Variants in KCNN1 observed in about 807,000 individuals in gnomAD.
KCNN1 encodes the protein small conductance calcium-activated potassium channel protein 1.
KCNN1 carries 20 observed loss-of-function variants against 44.7 expected under a neutral mutation model. That is an observed-to-expected ratio of 0.45 (90% confidence interval 0.32 to 0.65). The LOEUF is 0.65. KCNN1 is among the 30% of genes least tolerant of loss of function. KCNN1 has a pLI of 0.05. For missense variants in KCNN1, 632 were observed against 785.3 expected (o/e 0.80, Z 2.33); for synonymous variants, 324 against 341.7 (o/e 0.95, Z 0.57).
chr19:17,976,842 AGTGGCTGGGATTACAG>A (rs2032225170), intron 3 of KCNN1, among the ~76,000 whole-genome samples: 1 of 151,432 alleles, frequency 6.6e-6, no homozygotes, highest in Non-Finnish European at 1.5e-5. Context: ...CAGTCTCCTG[AGTGGCTGGGATTACAG>A]GTGCCCGCCA....
In KCNN1 at chr19:17,981,730, G is replaced by T. The variant is rs749770335; in HGVS notation, c.520G>T (p.Ala174Ser). The T allele has an allele frequency of 6.3e-7, 1 of 1,592,348 alleles. No homozygotes were observed. The highest frequency in any genetic ancestry group is 2.3e-5 in the East Asian group (1 of 44,420). The change falls in exon 4 of 10, where the codon GCT (alanine) becomes TCT (serine). Residue 174 changes from alanine (A) to serine (S), a missense_variant. Transcript: ENST00000684775. ...EIQLFMVDNGADDWRIAMTCE... is the reference protein window; with the variant it reads ...EIQLFMVDNGSDDWRIAMTCE... ...ACAGCTGTTCATGGTGGACAACGGG[G>T]CTGATGACTGGCGCATCGCCATGAC...
intron 2 of KCNN1, among the ~76,000 whole-genome samples, chr19:17,955,171 C>T (rs1947898513): frequency 6.7e-6 from 1 of 148,742 alleles, no homozygotes; most frequent in Admixed American, 6.7e-5. Context: ...TCCAGGAGTT[C>T]GAGGCTGCAG....
At chr19:17,968,352 T>G (rs2031891943) in intron 1 of KCNN1, among the ~76,000 whole-genome samples, 2 of 150,484 alleles carry the variant, frequency 1.3e-5, no homozygotes, top group South Asian at 4.2e-4. Flanking sequence ...GGCATGAAGC[T>G]CTTACAGACT....
rs917903505 is a variant in KCNN1, at chr19:17,982,136, G to A, written c.917+9G>A. 9.9e-6 allele frequency: 15 copies of A among 1,512,020 alleles called. No individual in the cohort carries two copies. In the Admixed American group the frequency reaches 1.2e-4, roughly 12 times the overall value. 93.7% of individuals were successfully genotyped at this position (1,512,020 alleles called of 1,614,324 possible). On this transcript the variant is annotated intron_variant, in intron 4 of 9. Coordinates refer to ENST00000684775, the MANE Select transcript of KCNN1 (RefSeq NM_001386974.1). ...GTGCGCGTCTGCGAGAGGTGCGACC[G>A]CCGCCCCTGGAGCCCCCCCAGCCCC...
chr19:17,966,323 A>T (rs954280462), upstream of KCNN1, among the ~76,000 whole-genome samples: 14 of 152,196 alleles, frequency 9.2e-5, no homozygotes, highest in African/African-American at 3.1e-4. Context: ...GCAGAGGCAG[A>T]GGCAGTAAGA....
chr19:17,990,756 C>T (rs1324884924), intron 7 of KCNN1, among the ~76,000 whole-genome samples: 3 of 146,360 alleles, frequency 2.0e-5, no homozygotes, highest in African/African-American at 5.1e-5. Context: ...GCTGAGATTG[C>T]GCCGCTGCAC....
At chr19:17,965,374 T>G (rs1382704857), upstream of KCNN1, among the ~76,000 whole-genome samples, 10 of 152,008 alleles carry the variant, frequency 6.6e-5, no homozygotes, top group Non-Finnish European at 1.2e-4. Context: ...GCTCAGGGAC[T>G]CCTGCAAGGG....
intron 7 of KCNN1, among the ~76,000 whole-genome samples, chr19:17,991,589 C>T (rs774270156): frequency 2.0e-5 from 3 of 151,186 alleles, no homozygotes; most frequent in Non-Finnish European, 3.0e-5. Context: ...AAAAATTAGC[C>T]GGGCATGGTG....
At chr19:17,997,513 TTTTTC>T (rs2145982864) in intron 9 of KCNN1, among the ~76,000 whole-genome samples, 3 of 152,306 alleles carry the variant, frequency 2.0e-5, no homozygotes, top group African/African-American at 7.2e-5. Context: ...GCTTGCTTTC[TTTTTC>T]TTGAGACGGA....
chr19:17,975,175 C>G lies in KCNN1; in HGVS notation c.486C>G (p.Ala162=). The change falls in exon 3 of 10, where the codon GCC becomes GCG. Residue 162 remains alanine (A), a synonymous_variant. Transcript: ENST00000684775. The stretch of plus-strand genomic sequence containing the variant: ...TGGGTCTCGTTGTCCTCTACCATGC[C>G]CGGGAGATCCAGGTCAGTGCTGAAT... ...ILLGLVVLYH[A]REIQLFMVDN... 1.2e-6 allele frequency: 2 copies of G among 1,613,674 alleles called. No homozygotes were observed. Among genetic ancestry groups the G allele is most frequent in the Non-Finnish European group, 1.7e-6 (2 of 1,179,632 alleles).
chr19:17,963,928 T>C (rs570966110), upstream of KCNN1, among the ~76,000 whole-genome samples: 1 of 152,246 alleles, frequency 6.6e-6, no homozygotes, highest in Admixed American at 6.5e-5. Context: ...AGGGTCTCGC[T>C]ATGTTGCCTA....
intron 4 of KCNN1, chr19:17,982,588 C>A: frequency 1.0e-6 from 1 of 985,318 alleles, no homozygotes. Flanking sequence ...TGAGTCCCAC[C>A]CTCCGCTGAG....
At chr19:17,962,333 C>G (rs2031701053), upstream of KCNN1, among the ~76,000 whole-genome samples, 1 of 152,170 alleles carries the variant, frequency 6.6e-6, no homozygotes, top group African/African-American at 2.4e-5. Flanking sequence ...CAGCAGGCAG[C>G]CCATGGGGAG....
At chr19:17,956,312 T>A (rs917758930) in intron 2 of KCNN1, among the ~76,000 whole-genome samples, 3 of 152,152 alleles carry the variant, frequency 2.0e-5, no homozygotes, top group African/African-American at 7.2e-5. Flanking sequence ...ACAGAGGTGG[T>A]GGTCATTTAG....
intron 4 of KCNN1, 123 bp downstream of exon 4, chr19:17,982,250 C>T (rs1457329026): frequency 6.0e-6 from 5 of 827,970 alleles, no homozygotes; most frequent in African/African-American, 1.7e-5. Flanking sequence ...TCTGTCTCCC[C>T]GACTGCAAGA....
upstream of KCNN1, among the ~76,000 whole-genome samples, chr19:17,966,581 A>G (rs968449509): frequency 6.6e-5 from 10 of 152,100 alleles, no homozygotes; most frequent in African/African-American, 1.9e-4. Context: ...CCTCCCACAG[A>G]AGGTGGCCTC....
rs1014528638 is a variant in KCNN1 at position 17,993,140 on chromosome 19, G to A, written c.1307+78G>A. 98 of 1,562,562 alleles carry A rather than the reference G, an allele frequency of 6.3e-5. No homozygotes were observed. In the Middle Eastern group the frequency reaches 1.0e-3, roughly 16 times the overall value. ...GGTCACAGACAGGGGGTACACCCGG[G>A]GCATGCCAACCCCAGCCTCAGAGGC... is the stretch of plus-strand genomic sequence containing the variant. On this transcript the variant is annotated intron_variant, in intron 8 of 9. Coordinates refer to ENST00000684775, the MANE Select transcript of KCNN1 (RefSeq NM_001386974.1). This position sits in a 1 kb window ranked among gnomAD's most constrained non-coding sequence, Gnocchi z 4.5.
chr19:17,962,390 C>G (rs1204248015), upstream of KCNN1, among the ~76,000 whole-genome samples: 1 of 152,188 alleles, frequency 6.6e-6, no homozygotes, highest in African/African-American at 2.4e-5. Flanking sequence ...TCCTGTGCCC[C>G]TTTTTCCTCC....
In KCNN1 at chr19:17,981,809, C is replaced by T. The variant is rs917940555; in HGVS notation, c.599C>T (p.Pro200Leu). The T allele has an allele frequency of 1.9e-6, 3 of 1,612,886 alleles. No individual in the cohort carries two copies. The highest frequency in any genetic ancestry group is 2.5e-6 in the Non-Finnish European group (3 of 1,179,472). ...SLELAVCAIH[P>L]VPGHYRFTWT... The stretch of plus-strand genomic sequence containing the variant: ...GAGCTGGCAGTGTGCGCCATTCACC[C>T]GGTGCCCGGCCACTACCGCTTCACG... The change falls in exon 4 of 10, where the codon CCG becomes CTG. Residue 200 changes from proline to leucine, a missense_variant. This residue lies in a region of KCNN1 where 160 missense variants were observed against 308.3 expected (regional missense o/e 0.52). Transcript: ENST00000684775.
Sources: gnomAD v4.1 joint callset for allele counts (sites outside exome capture counted in the v4.1 genomes callset) on GRCh38, gnomAD v4.1.1 for gene constraint, gnomAD v4.1.1 regional missense constraint, Gnocchi (gnomAD v3.1) non-coding constraint, MANE v1.5 for transcripts, NCBI Gene and HGNC (gene_info 2026-07-23, HGNC 2026-07-21) for gene names.